Variants in MAN2A1 observed in about 807,000 individuals in gnomAD.
MAN2A1 encodes the protein mannosidase alpha class 2A member 1.
In MAN2A1, 76 loss-of-function variants were observed where a neutral mutation model predicts 142.6. The ratio of observed to expected loss-of-function variants is 0.53; its 90% CI spans 0.44 to 0.65. The LOEUF is 0.65. Ranked by LOEUF, MAN2A1 falls within the 30% of genes least tolerant of loss-of-function variation. The pLI is 0.00. For synonymous variants in MAN2A1, 559 were observed against 473.2 expected, an observed-to-expected ratio of 1.18 and a Z score of -2.35; for missense variants, 1,311 against 1,365.1, an observed-to-expected ratio of 0.96 and a Z score of 0.62.
chr5:109,838,926 A>G (rs1230959468), intron 16 of MAN2A1, among the ~76,000 whole-genome samples: 2 of 152,072 alleles, frequency 1.3e-5, no homozygotes, highest in African/African-American at 2.4e-5. Flanking sequence ...TGAAATTATC[A>G]TTTTTTCCTT....
At chr5:109,746,747 T>G (rs565492738) in intron 4 of MAN2A1, among the ~76,000 whole-genome samples, 1 of 152,196 alleles carries the variant, frequency 6.6e-6, no homozygotes, top group South Asian at 2.1e-4. Context: ...ATGCAAACTT[T>G]GTACCTGTTG....
At chr5:109,806,465 G>T (rs988318480) in intron 12 of MAN2A1, among the ~76,000 whole-genome samples, 2 of 152,078 alleles carry the variant, frequency 1.3e-5, no homozygotes, top group African/African-American at 2.4e-5. Context: ...ACTCTGCTAC[G>T]AGCTAAGTCA....
At chr5:109,716,069 CATTAA>C (rs1751443623) in intron 2 of MAN2A1, 46 bp from the exon 3 acceptor site, 8 of 1,289,238 alleles carry the variant, frequency 6.2e-6, no homozygotes, top group Non-Finnish European at 8.8e-6. Context: ...TATTTACCAA[CATTAA>C]ATTAATAATT....
intron 18 of MAN2A1, 88 bp downstream of exon 18, chr5:109,846,094 T>TA: frequency 8.6e-7 from 1 of 1,163,990 alleles, no homozygotes. Flanking sequence ...GTATAATCTC[T>TA]AGTTAAAACC....
chr5:109,773,238 T>G (rs1444953350), intron 7 of MAN2A1, among the ~76,000 whole-genome samples: 1 of 152,220 alleles, frequency 6.6e-6, no homozygotes, highest in African/African-American at 2.4e-5. Context: ...TTTCCCAGTG[T>G]TGACACTTTC....
At chr5:109,697,908 A>T (rs1305948368) in intron 1 of MAN2A1, among the ~76,000 whole-genome samples, 1 of 152,220 alleles carries the variant, frequency 6.6e-6, no homozygotes, top group Non-Finnish European at 1.5e-5. Context: ...TGTTATCTAC[A>T]TGTTTCATAG....
intron 12 of MAN2A1, among the ~76,000 whole-genome samples, chr5:109,792,093 C>T (rs1484293411): frequency 2.0e-5 from 3 of 152,014 alleles, no homozygotes. Context: ...AAAAGCCCTC[C>T]CATAACGCAT....
chr5:109,772,178 T>C (rs980890006), intron 7 of MAN2A1, among the ~76,000 whole-genome samples: 2 of 152,162 alleles, frequency 1.3e-5, no homozygotes, highest in African/African-American at 4.8e-5. Context: ...GCGGATTTTC[T>C]GAGCTCAGGA....
intron 21 of MAN2A1, among the ~76,000 whole-genome samples, chr5:109,865,790 T>C (rs777610431): frequency 3.3e-5 from 5 of 152,230 alleles, no homozygotes; most frequent in South Asian, 2.1e-4. Context: ...TCTCTTCAAG[T>C]TGGTCTTTCT....
rs528956203 is a variant in MAN2A1 at position 109,776,435 on chromosome 5, A to T, written c.1374+1470A>T. 6.6e-5 allele frequency among the ~76,000 whole-genome samples: 10 copies of T among 152,178 alleles called. No homozygotes were observed. The East Asian group carries it at 1.7e-3, about 26-fold the overall frequency. ...GATGATGCTCATACATGAATATGTG[A>T]TCAGAGGAAGGGATATATATATGAG... On this transcript the variant is annotated intron_variant, in intron 8 of 21. Transcript: ENST00000261483.
intron 4 of MAN2A1, among the ~76,000 whole-genome samples, chr5:109,746,750 A>G (rs1272396845): frequency 6.6e-6 from 1 of 152,160 alleles, no homozygotes; most frequent in African/African-American, 2.4e-5. Context: ...CAAACTTTGT[A>G]CCTGTTGAAC....
At chr5:109,779,139 C>G (rs1023824296) in intron 8 of MAN2A1, among the ~76,000 whole-genome samples, 2 of 152,078 alleles carry the variant, frequency 1.3e-5, no homozygotes, top group African/African-American at 2.4e-5. Flanking sequence ...TTAAAAAATA[C>G]TCTAGCACAG....
chr5:109,787,754 T>C (rs1251590697), intron 10 of MAN2A1, among the ~76,000 whole-genome samples: 2 of 151,890 alleles, frequency 1.3e-5, no homozygotes, highest in Non-Finnish European at 2.9e-5. Flanking sequence ...CTGTAGACAA[T>C]AGAAAGGAAC....
intron 12 of MAN2A1, among the ~76,000 whole-genome samples, chr5:109,800,016 A>C (rs969804216): frequency 6.8e-6 from 1 of 147,194 alleles, no homozygotes; most frequent in Non-Finnish European, 1.5e-5. Flanking sequence ...TGAACCGGGG[A>C]GGTGGAGGTT....
chr5:109,787,391 T>G (rs1753621760), intron 10 of MAN2A1, among the ~76,000 whole-genome samples: 1 of 151,972 alleles, frequency 6.6e-6, no homozygotes, highest in Admixed American at 6.6e-5. Flanking sequence ...GTATTCCGTA[T>G]TAATAGGATA....
chr5:109,769,086 G>T (rs746165887), intron 6 of MAN2A1, among the ~76,000 whole-genome samples: 5 of 152,122 alleles, frequency 3.3e-5, no homozygotes, highest in Non-Finnish European at 7.3e-5. Context: ...GTGGGGTATG[G>T]AGTATGTCCT....
chr5:109,796,981 G>A (rs983003275), intron 12 of MAN2A1, among the ~76,000 whole-genome samples: 5 of 152,154 alleles, frequency 3.3e-5, no homozygotes, highest in East Asian at 1.9e-4. Flanking sequence ...GCAAATACCT[G>A]GCACACAGTA....
intron 10 of MAN2A1, among the ~76,000 whole-genome samples, chr5:109,785,539 A>C (rs184589622): frequency 7.2e-4 from 110 of 152,184 alleles, no homozygotes; most frequent in African/African-American, 2.6e-3. Context: ...AGGGAGTAGA[A>C]GCTAAGTTAT....
At chr5:109,755,894 C>G (rs1752676112) in intron 5 of MAN2A1, among the ~76,000 whole-genome samples, 1 of 151,988 alleles carries the variant, frequency 6.6e-6, no homozygotes, top group Non-Finnish European at 1.5e-5. Context: ...TGTCTGGGCA[C>G]TGTATCTTTG....
Sources: allele counts gnomAD v4.1 joint callset (sites outside exome capture counted in the v4.1 genomes callset), GRCh38; gene constraint gnomAD v4.1.1; transcripts MANE v1.5; gene names NCBI Gene and HGNC (gene_info 2026-07-23, HGNC 2026-07-21).